Variants in PDE7A observed in about 807,000 individuals in gnomAD.
PDE7A encodes the protein high affinity 3',5'-cyclic-AMP phosphodiesterase 7A.
In PDE7A, 39 loss-of-function variants were observed where a neutral mutation model predicts 64.3. The ratio of observed to expected loss-of-function variants is 0.61; its 90% CI spans 0.47 to 0.79. The LOEUF is 0.79. PDE7A is among the 30% of genes least tolerant of loss of function. PDE7A has a pLI of 0.00. For synonymous variants in PDE7A, 203 were observed against 206.8 expected, an observed-to-expected ratio of 0.98 and a Z score of 0.16; for missense variants, 470 against 582.8, an observed-to-expected ratio of 0.81 and a Z score of 1.99.
chr8:65,736,042 C>T (rs1807115316), intron 6 of PDE7A, among the ~76,000 whole-genome samples: 1 of 152,180 alleles, frequency 6.6e-6, no homozygotes. Context: ...CCTATTTATA[C>T]TATGTTTTTC....
At chr8:65,810,627 T>A (rs910419011) in intron 1 of PDE7A, among the ~76,000 whole-genome samples, 1 of 152,180 alleles carries the variant, frequency 6.6e-6, no homozygotes, top group African/African-American at 2.4e-5. Flanking sequence ...TTTTTAAGGA[T>A]AAATTAATAT....
chr8:65,724,036 T>C (rs1048506339), intron 11 of PDE7A, among the ~76,000 whole-genome samples: 7 of 152,194 alleles, frequency 4.6e-5, no homozygotes, highest in Admixed American at 2.0e-4. Flanking sequence ...TCTATACTCA[T>C]AAATGCATAA....
At chr8:65,790,206 C>A (rs2128925814) in intron 1 of PDE7A, among the ~76,000 whole-genome samples, 1 of 152,328 alleles carries the variant, frequency 6.6e-6, no homozygotes, top group Admixed American at 6.5e-5. Flanking sequence ...GAGGAGGAGC[C>A]AGATGACGCT....
intron 1 of PDE7A, among the ~76,000 whole-genome samples, chr8:65,805,627 T>C (rs1172280000): frequency 6.6e-6 from 1 of 152,184 alleles, no homozygotes; most frequent in Non-Finnish European, 1.5e-5. Flanking sequence ...TTTTCAGTTG[T>C]CCCACACATT....
intron 1 of PDE7A, among the ~76,000 whole-genome samples, chr8:65,808,458 G>A (rs927756098): frequency 2.6e-5 from 4 of 151,922 alleles, no homozygotes; most frequent in Admixed American, 2.0e-4. Context: ...GAAAATCACC[G>A]ACATTATAAG....
At chr8:65,724,579 C>T (rs1354291174) in intron 10 of PDE7A, among the ~76,000 whole-genome samples, 198 bp downstream of exon 10, 5 of 152,088 alleles carry the variant, frequency 3.3e-5, no homozygotes, top group South Asian at 4.1e-4. Flanking sequence ...ATGAAAAACA[C>T]GTAAGCAATG....
chr8:65,820,129 C>T (rs1468781090), intron 1 of PDE7A, among the ~76,000 whole-genome samples: 2 of 152,230 alleles, frequency 1.3e-5, no homozygotes, highest in Non-Finnish European at 2.9e-5. Context: ...GGTGTGATGG[C>T]TCACGCCTGT....
intron 1 of PDE7A, among the ~76,000 whole-genome samples, chr8:65,816,356 A>G (rs906822606): frequency 6.6e-6 from 1 of 152,238 alleles, no homozygotes; most frequent in African/African-American, 2.4e-5. Flanking sequence ...TTTGTTTTTT[A>G]GATAGAATTC....
intron 2 of PDE7A, among the ~76,000 whole-genome samples, chr8:65,782,154 G>A (rs1032821605): frequency 6.6e-6 from 1 of 152,164 alleles, no homozygotes; most frequent in African/African-American, 2.4e-5. Flanking sequence ...AACAAAAAAT[G>A]AATAAATTTG....
intron 1 of PDE7A, among the ~76,000 whole-genome samples, chr8:65,790,955 G>A (rs1189154521): frequency 6.6e-6 from 1 of 152,124 alleles, no homozygotes; most frequent in Admixed American, 6.5e-5. Flanking sequence ...CCCTGGCTTC[G>A]AGGTCATTCT....
At chr8:65,838,151 C>G (rs1456354392) in intron 1 of PDE7A, among the ~76,000 whole-genome samples, 1 of 152,120 alleles carries the variant, frequency 6.6e-6, no homozygotes, top group Admixed American at 6.5e-5. Context: ...GAAAATCTGA[C>G]TGAATAATTC....
chr8:65,810,102 G>T (rs1211851732), intron 1 of PDE7A, among the ~76,000 whole-genome samples: 8 of 152,106 alleles, frequency 5.3e-5, no homozygotes, highest in African/African-American at 1.7e-4. Context: ...CAACCCAAAT[G>T]TCCATCAATG....
At chr8:65,831,922 AG>A (rs1402835522) in intron 1 of PDE7A, among the ~76,000 whole-genome samples, 1 of 152,254 alleles carries the variant, frequency 6.6e-6, no homozygotes, top group Non-Finnish European at 1.5e-5. Flanking sequence ...ACAATTATAA[AG>A]AAGTTAAAAA....
chr8:65,793,063 A>G (rs1413713847), intron 1 of PDE7A, among the ~76,000 whole-genome samples: 1 of 152,204 alleles, frequency 6.6e-6, no homozygotes, highest in Non-Finnish European at 1.5e-5. Context: ...ACATCACCTT[A>G]TGATACTAAA....
At chr8:65,755,750 T>C (rs1056327315) in intron 3 of PDE7A, among the ~76,000 whole-genome samples, 2 of 152,250 alleles carry the variant, frequency 1.3e-5, no homozygotes, top group Non-Finnish European at 2.9e-5. Context: ...TAACTGTTAA[T>C]ACCCTTTTAT....
At chr8:65,786,904 C>T (rs930934494) in intron 1 of PDE7A, among the ~76,000 whole-genome samples, 1 of 152,174 alleles carries the variant, frequency 6.6e-6, no homozygotes, top group African/African-American at 2.4e-5. Context: ...CTGTAAAGCA[C>T]CAAAGGACCC....
chr8:65,769,256 A>G (rs1808955333), intron 3 of PDE7A, among the ~76,000 whole-genome samples: 1 of 151,770 alleles, frequency 6.6e-6, no homozygotes, highest in Admixed American at 6.6e-5. Context: ...TCAAAAAAAA[A>G]AAAAAAAAAA....
chr8:65,728,697 G>A (rs1437928730), intron 7 of PDE7A: 1 of 152,152 alleles, frequency 6.6e-6, no homozygotes, highest in African/African-American at 2.4e-5. Context: ...GAATGGGCAT[G>A]GGTGTCTATG....
chr8:65,729,316 A>G (rs921001338), intron 7 of PDE7A, among the ~76,000 whole-genome samples: 3 of 142,528 alleles, frequency 2.1e-5, no homozygotes, highest in Non-Finnish European at 4.5e-5. Flanking sequence ...GCCAGCCCTT[A>G]TCATTTCCCA....
Sources: allele counts gnomAD v4.1 joint callset (sites outside exome capture counted in the v4.1 genomes callset), GRCh38; gene constraint gnomAD v4.1.1; transcripts MANE v1.5; gene names NCBI Gene and HGNC (gene_info 2026-07-23, HGNC 2026-07-21).